TCF25: variants seen among roughly 807,000 people sequenced by gnomAD.
The protein encoded by TCF25 is ribosome quality control complex subunit TCF25.
Under a neutral mutation model 83.1 loss-of-function variants are expected in TCF25, and 41 were observed. The ratio of observed to expected loss-of-function variants is 0.49; its 90% CI spans 0.38 to 0.64. TCF25 has a LOEUF of 0.64. Ranked by LOEUF, TCF25 falls within the 30% of genes least tolerant of loss-of-function variation. TCF25 has a pLI of 0.00. For missense variants in TCF25, 979 were observed against 914.5 expected, an observed-to-expected ratio of 1.07 and a Z score of -0.91; for synonymous variants, 458 against 365.0, an observed-to-expected ratio of 1.25 and a Z score of -2.90.
intron 15 of TCF25, among the ~76,000 whole-genome samples, chr16:89,906,877 G>C (rs1435536650): frequency 6.6e-6 from 1 of 152,084 alleles, no homozygotes; most frequent in Non-Finnish European, 1.5e-5. Flanking sequence ...TGTGCAACCC[G>C]AGGGCAGCTC....
intron 5 of TCF25, among the ~76,000 whole-genome samples, chr16:89,887,983 C>T (rs779279282): frequency 1.3e-5 from 2 of 152,174 alleles, no homozygotes; most frequent in Non-Finnish European, 2.9e-5. Context: ...TTTCAAAAGC[C>T]ATGCCGAGTG....
intron 12 of TCF25, among the ~76,000 whole-genome samples, chr16:89,903,455 G>A (rs1057193879): frequency 6.6e-6 from 1 of 152,256 alleles, no homozygotes; most frequent in Non-Finnish European, 1.5e-5. Flanking sequence ...AGGATCGCTT[G>A]AGCATAGGAG....
intron 4 of TCF25, 99 bp from the exon 5 acceptor site, chr16:89,887,553 C>A: frequency 8.4e-7 from 1 of 1,196,066 alleles, no homozygotes; most frequent in Non-Finnish European, 1.1e-6. Context: ...AACCAAAAAT[C>A]CGTGTTCTCT....
At chr16:89,897,836 C>T (rs991026306) in intron 9 of TCF25, among the ~76,000 whole-genome samples, 4 of 152,250 alleles carry the variant, frequency 2.6e-5, no homozygotes, top group South Asian at 2.1e-4. Flanking sequence ...AAGATTTCAG[C>T]GGGGCGTGGT....
chr16:89,883,650 AATTT>A, intron 2 of TCF25, 138 bp downstream of exon 2: 1 of 997,634 alleles, frequency 1.0e-6, no homozygotes, highest in Non-Finnish European at 1.4e-6. Flanking sequence ...GTTGCCCCCA[AATTT>A]ACTTGGGAAC....
chr16:89,910,325 C>G (rs1046885166), intron 16 of TCF25: 1 of 543,074 alleles, frequency 1.8e-6, no homozygotes, highest in Non-Finnish European at 3.3e-6. Context: ...CTGTGGGAGC[C>G]TCGCTCCGGA....
intron 2 of TCF25, chr16:89,883,836 C>T (rs900128990): frequency 1.5e-5 from 4 of 266,274 alleles, no homozygotes; most frequent in Non-Finnish European, 3.0e-5. Flanking sequence ...CCTAGCCGAC[C>T]GCGCACGTGT....
chr16:89,891,339 TG>T, intron 5 of TCF25, among the ~76,000 whole-genome samples: 1 of 152,318 alleles, frequency 6.6e-6, no homozygotes, highest in East Asian at 1.9e-4. Context: ...AGAAGCAGGC[TG>T]GGGCCACCTT....
In TCF25 at chr16:89,900,790, T is replaced by C; in HGVS notation, c.1377T>C (p.Pro459=). Residue 459 remains proline (P), a synonymous_variant, in exon 12 of 18, where the codon CCT becomes CCC. Coordinates refer to ENST00000263346, the MANE Select transcript of TCF25 (RefSeq NM_014972.3). ...LLIQQALTMF[P]GVLLPLLESC... The stretch of plus-strand genomic sequence containing the variant: ...TACAGCAGGCGCTCACCATGTTCCC[T>C]GGAGGTGAGTGAGCGCTGTGTCTCG... The C allele has an allele frequency of 6.4e-7, 1 of 1,571,590 alleles. No individual in the cohort carries two copies. The highest frequency in any genetic ancestry group is 8.7e-7 in the Non-Finnish European group (1 of 1,145,818).
chr16:89,896,803 C>T (rs1469709870), intron 9 of TCF25, among the ~76,000 whole-genome samples: 1 of 152,064 alleles, frequency 6.6e-6, no homozygotes, highest in Non-Finnish European at 1.5e-5. Context: ...ATCCACCCGC[C>T]TCGGCCTTCC....
intron 1 of TCF25, among the ~76,000 whole-genome samples, chr16:89,882,048 G>T (rs1014863553): frequency 2.0e-5 from 3 of 152,156 alleles, no homozygotes; most frequent in Non-Finnish European, 4.4e-5. Context: ...CCGCCACCGT[G>T]CCCGGTCAGC....
chr16:89,876,872 T>C (rs1442733285), intron 1 of TCF25, among the ~76,000 whole-genome samples: 1 of 141,642 alleles, frequency 7.1e-6, no homozygotes, highest in Non-Finnish European at 1.5e-5. Context: ...GAGCTTGCAG[T>C]GAGCTGAGAT....
intron 1 of TCF25, among the ~76,000 whole-genome samples, chr16:89,881,847 CG>C (rs1435479410): frequency 3.3e-5 from 5 of 152,146 alleles, no homozygotes; most frequent in Admixed American, 6.5e-5. Flanking sequence ...CTCTGCCTCC[CG>C]GATTCAAGCA....
Position 89,873,698 on chromosome 16 carries a change from G to T in TCF25, c.31G>T (p.Gly11Trp). MSRRALRRLRGEQRGQEPLGP... is the reference protein window; with the variant it reads MSRRALRRLRWEQRGQEPLGP... ...GCGCCGGGCCCTCCGGAGGCTGAGG[G>T]GGGAACAGCGCGGCCAGGAGCCCCT... The change falls in exon 1 of 18, where the codon GGG (glycine) becomes TGG (tryptophan). Residue 11 changes from glycine (G) to tryptophan (W), a missense_variant. Gly to Trp is a radical substitution (Grantham distance 184). Coordinates refer to ENST00000263346, the MANE Select transcript of TCF25 (RefSeq NM_014972.3). The T allele has an allele frequency of 6.2e-7, 1 of 1,609,202 alleles. No individual in the cohort carries two copies. Among genetic ancestry groups the T allele is most frequent in the East Asian group, 2.2e-5 (1 of 44,472 alleles).
intron 5 of TCF25, chr16:89,889,530 C>T (rs2043264163): frequency 6.2e-6 from 1 of 161,330 alleles, no homozygotes. Flanking sequence ...TATAACATGC[C>T]CTGGGTTTGC....
chr16:89,883,450 C>G lies in TCF25; in HGVS notation c.292C>G (p.Gln98Glu). ...GGCACCAGGGAACAAAGGAAGGGGTCAGCGTGGAAACACAGAGAGCAAGAC... is the reference window on the plus strand; with the variant it reads ...GGCACCAGGGAACAAAGGAAGGGGTGAGCGTGGAAACACAGAGAGCAAGAC... ...AVAPGNKGRG[Q>E]RGNTESKTDG... is the part of the protein sequence containing the mutation. Residue 98 changes from glutamine to glutamate, a missense_variant, in exon 2 of 18, where the codon CAG becomes GAG. By Grantham distance (29) the Gln-to-Glu change is conservative. Coordinates refer to ENST00000263346, the MANE Select transcript of TCF25 (RefSeq NM_014972.3). 5 of 1,613,900 alleles carry G rather than the reference C, an allele frequency of 3.1e-6. No homozygotes were observed. The highest frequency in any genetic ancestry group is 4.2e-6 in the Non-Finnish European group (5 of 1,179,998).
intron 16 of TCF25, chr16:89,910,183 C>A (rs987324701): frequency 4.9e-6 from 1 of 205,716 alleles, no homozygotes; most frequent in Non-Finnish European, 1.0e-5. Flanking sequence ...GGTAGCCCTT[C>A]GCACCGTGAG....
At chr16:89,887,840 C>T (rs568840201) in intron 5 of TCF25, 123 bp downstream of exon 5, 13 of 848,572 alleles carry the variant, frequency 1.5e-5, no homozygotes, top group Admixed American at 3.5e-5. Context: ...AGAGTGCACA[C>T]GTAACCCTTA....
chr16:89,883,679 C>T (rs773900729), intron 2 of TCF25, 167 bp downstream of exon 2: 10 of 772,674 alleles, frequency 1.3e-5, no homozygotes, highest in South Asian at 1.8e-5. Flanking sequence ...ATGAGATTTG[C>T]ATGAAATGAG....
Sources: gnomAD v4.1 joint callset for allele counts (sites outside exome capture counted in the v4.1 genomes callset) on GRCh38, gnomAD v4.1.1 for gene constraint, MANE v1.5 for transcripts, NCBI Gene and HGNC (gene_info 2026-07-23, HGNC 2026-07-21) for gene names.